Variants in BNC2 observed in about 807,000 individuals in gnomAD.
BNC2 encodes zinc finger protein basonuclin-2.
Under a neutral mutation model 76.3 loss-of-function variants are expected in BNC2, and 20 were observed. The observed-to-expected ratio is 0.26, with a 90% CI of 0.18 to 0.38. The LOEUF (loss-of-function observed/expected upper bound fraction) is 0.38, where lower values mean the gene tolerates loss of function less well. Ranked by LOEUF, BNC2 falls within the 10% of genes least tolerant of loss-of-function variation. The pLI, the probability that BNC2 is intolerant of heterozygous loss-of-function variation, is 1.00. For synonymous variants in BNC2, 582 were observed against 514.8 expected (o/e 1.13, Z -1.77); for missense variants, 1,382 against 1,399.8 (o/e 0.99, Z 0.20).
intron 1 of BNC2, among the ~76,000 whole-genome samples, chr9:16,858,411 C>T (rs1819315012): frequency 6.6e-6 from 1 of 152,120 alleles, no homozygotes; most frequent in Admixed American, 6.5e-5. Flanking sequence ...GGAGTACTAC[C>T]AAGACTTTTT....
At chr9:16,587,684 A>G (rs1819811348) in intron 3 of BNC2, among the ~76,000 whole-genome samples, 4 of 152,170 alleles carry the variant, frequency 2.6e-5, no homozygotes, top group Admixed American at 2.0e-4. Flanking sequence ...GAGTAGAAAC[A>G]GTGGCTGTCC....
In BNC2 at chr9:16,471,276, A is replaced by G. The variant is rs568657720; in HGVS notation, c.670-33752T>C. ...TATACCTCCATTGTATCTGGGAAGT[A>G]ACTAGCTTGCTTTTGATTTTTTTTT... On this transcript the variant is annotated intron_variant, in intron 5 of 6. Coordinates refer to ENST00000380672, the MANE Select transcript of BNC2 (RefSeq NM_017637.6). 1.1e-4 allele frequency among the ~76,000 whole-genome samples: 16 copies of G among 151,114 alleles called. No individual in the cohort carries two copies. The East Asian group carries it at 3.1e-3, about 29-fold the overall frequency.
At chr9:16,506,285 G>C (rs965658395) in intron 5 of BNC2, among the ~76,000 whole-genome samples, 7 of 152,098 alleles carry the variant, frequency 4.6e-5, no homozygotes, top group Admixed American at 3.3e-4. Flanking sequence ...CTCGGCTCTG[G>C]ATGAGACCTC....
intron 4 of BNC2, among the ~76,000 whole-genome samples, chr9:16,561,956 G>A (rs912805391): frequency 1.3e-5 from 2 of 152,078 alleles, no homozygotes. Flanking sequence ...AGTGAGCCGT[G>A]ACTGAGCCAC....
intron 1 of BNC2, among the ~76,000 whole-genome samples, chr9:16,777,823 C>T (rs138223703): frequency 6.6e-6 from 1 of 152,070 alleles, no homozygotes; most frequent in Non-Finnish European, 1.5e-5. Context: ...AATGTCCTCC[C>T]AAAGAGAAGT....
intron 3 of BNC2, among the ~76,000 whole-genome samples, chr9:16,671,448 A>G (rs1021446448): frequency 2.0e-5 from 3 of 152,212 alleles, no homozygotes; most frequent in Non-Finnish European, 4.4e-5. Context: ...CAGGCAGCCC[A>G]TGGAAAAGCC....
chr9:16,715,834 T>C (rs1176345850), intron 3 of BNC2, among the ~76,000 whole-genome samples: 1 of 152,196 alleles, frequency 6.6e-6, no homozygotes, highest in African/African-American at 2.4e-5. Flanking sequence ...AATGTCATAC[T>C]ACTCTAGAGT....
At chr9:16,457,481 G>A (rs950462941) in intron 5 of BNC2, among the ~76,000 whole-genome samples, 2 of 152,160 alleles carry the variant, frequency 1.3e-5, no homozygotes, top group Non-Finnish European at 2.9e-5. Context: ...AACTCCAGGG[G>A]AAACCAAGTG....
At chr9:16,837,904 G>C (rs904237593) in intron 1 of BNC2, among the ~76,000 whole-genome samples, 11 of 151,966 alleles carry the variant, frequency 7.2e-5, no homozygotes, top group African/African-American at 2.7e-4. Context: ...CTCCAGCTTG[G>C]GCAACAAGAG....
intron 3 of BNC2, among the ~76,000 whole-genome samples, chr9:16,611,458 T>C (rs1433841325): frequency 6.6e-6 from 1 of 152,162 alleles, no homozygotes; most frequent in South Asian, 2.1e-4. Flanking sequence ...TCTTATGTTA[T>C]TTTTTGACTG....
At chr9:16,789,704 G>A (rs1003151349) in intron 1 of BNC2, among the ~76,000 whole-genome samples, 2 of 152,134 alleles carry the variant, frequency 1.3e-5, no homozygotes, top group Non-Finnish European at 2.9e-5. Flanking sequence ...TATTATACAT[G>A]TTATAGGCAT....
At position 16,413,389 on chromosome 9, in the gene BNC2, GATTTGGATTAAAATC is replaced by G. The variant is rs1325393017; in HGVS notation, c.*5585_*5599del. ...TTTTTTTTTAACCTCCTGTTATTTG[GATTTGGATTAAAATC>G]ATTTGGATTAAAAAAGATTTGGATT... On this transcript the variant is annotated 3_prime_UTR_variant, in exon 7 of 7. Coordinates refer to ENST00000380672, the MANE Select transcript of BNC2 (RefSeq NM_017637.6). The G allele has an allele frequency of 3.3e-5, 5 of 149,720 alleles. No individual in the cohort carries two copies. The highest frequency in any genetic ancestry group is 6.8e-3 in the Middle Eastern group (2 of 292). The allele number at this position is 149,720 out of a possible 1,614,324, so 9.3% of individuals were successfully genotyped here.
At chr9:16,820,685 C>CTAA (rs1240244606) in intron 1 of BNC2, among the ~76,000 whole-genome samples, 1 of 151,802 alleles carries the variant, frequency 6.6e-6, no homozygotes, top group Non-Finnish European at 1.5e-5. Context: ...AAGGTTACTA[C>CTAA]GGTCCTAGAG....
chr9:16,471,784 G>A (rs1041656268), intron 5 of BNC2, among the ~76,000 whole-genome samples: 3 of 152,090 alleles, frequency 2.0e-5, no homozygotes, highest in African/African-American at 7.2e-5. Context: ...GATATGGTTT[G>A]GCTGTGTCCC....
intron 6 of BNC2, chr9:16,434,972 C>G (rs911790159): frequency 8.5e-5 from 40 of 470,960 alleles, no homozygotes; most frequent in Middle Eastern, 3.2e-4. Flanking sequence ...TTTCACAACT[C>G]TTAAAGAATT....
intron 1 of BNC2, among the ~76,000 whole-genome samples, chr9:16,842,466 G>C (rs1447359654): frequency 1.3e-5 from 2 of 152,162 alleles, no homozygotes; most frequent in Non-Finnish European, 2.9e-5. Context: ...AAAAGTAAAA[G>C]ATGCTAAGGG....
chr9:16,733,734 A>C (rs1046874398), intron 2 of BNC2, among the ~76,000 whole-genome samples: 3 of 152,174 alleles, frequency 2.0e-5, no homozygotes, highest in Non-Finnish European at 4.4e-5. Context: ...TTCACCTATC[A>C]TTAGCCAGGC....
At chr9:16,607,378 C>G (rs1241506595) in intron 3 of BNC2, among the ~76,000 whole-genome samples, 1 of 152,104 alleles carries the variant, frequency 6.6e-6, no homozygotes, top group African/African-American at 2.4e-5. Flanking sequence ...TATGAAGTGG[C>G]ATTTAAAAGA....
chr9:16,864,627 A>G (rs1819496252), intron 1 of BNC2, among the ~76,000 whole-genome samples: 1 of 152,108 alleles, frequency 6.6e-6, no homozygotes, highest in African/African-American at 2.4e-5. Context: ...CCTATCCCCC[A>G]TGTTGTGCAT....
Sources: gnomAD v4.1 joint callset for allele counts (sites outside exome capture counted in the v4.1 genomes callset) on GRCh38, gnomAD v4.1.1 for gene constraint, MANE v1.5 for transcripts, NCBI Gene and HGNC (gene_info 2026-07-23, HGNC 2026-07-21) for gene names.